PARVB: variants seen among roughly 807,000 people sequenced by gnomAD.
PARVB encodes the protein beta-parvin.
Under a neutral mutation model 47.0 loss-of-function variants are expected in PARVB, and 46 were observed. The observed-to-expected ratio is 0.98, with a 90% CI of 0.77 to 1.25. PARVB has a LOEUF of 1.25. Among genes scored for constraint, PARVB ranks in the 50% most tolerant of loss-of-function variants. The pLI, the probability that PARVB is intolerant of heterozygous loss-of-function variation, is 0.00. For missense variants in PARVB, 473 were observed against 471.6 expected, an observed-to-expected ratio of 1.00 and a Z score of -0.03; for synonymous variants, 196 against 196.3, an observed-to-expected ratio of 1.00 and a Z score of 0.01.
chr22:44,097,915 G>C (rs1011482622), intron 2 of PARVB, among the ~76,000 whole-genome samples: 2 of 152,140 alleles, frequency 1.3e-5, no homozygotes, highest in Non-Finnish European at 2.9e-5. Context: ...TGGTCCCGCC[G>C]ACTGAGGCAG....
At chr22:43,999,607 G>A (rs767601275) in exon 2 of PARVB, 1 of 1,613,754 alleles carries the variant, frequency 6.2e-7, no homozygotes, top group Non-Finnish European at 8.5e-7. Flanking sequence ...GGCTTCTCTG[G>A]CTGGTTCACT....
chr22:44,014,587 T>C (rs2050557365), intron 2 of PARVB, among the ~76,000 whole-genome samples: 1 of 152,208 alleles, frequency 6.6e-6, no homozygotes, highest in Non-Finnish European at 1.5e-5. Flanking sequence ...AGTGGCACTT[T>C]CCAATCTTGA....
At chr22:44,024,568 G>A in intron 1 of PARVB, 117 bp downstream of exon 1, 1 of 374,036 alleles carries the variant, frequency 2.7e-6, no homozygotes, top group Non-Finnish European at 3.9e-6. Flanking sequence ...CCCGGCCCAC[G>A]CGGCTGCGCG....
At chr22:44,088,592 C>T (rs572636170) in intron 1 of PARVB, among the ~76,000 whole-genome samples, 5 of 152,300 alleles carry the variant, frequency 3.3e-5, no homozygotes, top group East Asian at 1.9e-4. Context: ...ATGCCTCAGC[C>T]GCCCAAGTAG....
chr22:44,032,617 T>TAAGG (rs2050845704), intron 1 of PARVB, among the ~76,000 whole-genome samples: 2 of 152,022 alleles, frequency 1.3e-5, no homozygotes, highest in South Asian at 4.1e-4. Flanking sequence ...ACTTGTGGTG[T>TAAGG]AAGGAAGGAA....
At chr22:44,003,663 G>T (rs1486850574) in intron 2 of PARVB, among the ~76,000 whole-genome samples, 1 of 152,184 alleles carries the variant, frequency 6.6e-6, no homozygotes, top group African/African-American at 2.4e-5. Context: ...CAGGGGTGGG[G>T]AGCAGGAAAC....
At chr22:44,024,505 C>G in intron 1 of PARVB, 54 bp downstream of exon 1, 1 of 969,886 alleles carries the variant, frequency 1.0e-6, no homozygotes, top group Non-Finnish European at 1.3e-6. Context: ...GCGGTGCCCG[C>G]CCTCGGCCCT....
At chr22:44,152,094 GA>G (rs1394983765) in intron 10 of PARVB, 1 of 152,828 alleles carries the variant, frequency 6.5e-6, no homozygotes, top group East Asian at 1.9e-4. Flanking sequence ...CCTGTTTCCA[GA>G]TACGGTCACA....
In PARVB at chr22:44,087,224, A is replaced by G. The variant is rs540271502; in HGVS notation, c.113-6704A>G. Reference sequence around the variant, plus strand: ...TCCTGGTTCAGACGGGGCCCTCTGAAATTTCTCGCCCTGATCTTTTGTTCT... The same window carrying G: ...TCCTGGTTCAGACGGGGCCCTCTGAGATTTCTCGCCCTGATCTTTTGTTCT... On this transcript the variant is annotated intron_variant, in intron 1 of 12. Coordinates refer to ENST00000338758, the MANE Select transcript of PARVB (RefSeq NM_013327.5). Among the ~76,000 whole-genome samples, 5 of 152,272 alleles carry G rather than the reference A, an allele frequency of 3.3e-5. No homozygotes were observed. The East Asian group carries it at 9.7e-4, about 29-fold the overall frequency.
chr22:44,154,384 G>T (rs1326224622), intron 10 of PARVB, among the ~76,000 whole-genome samples: 1 of 152,142 alleles, frequency 6.6e-6, no homozygotes, highest in Non-Finnish European at 1.5e-5. Context: ...AATCATTAAC[G>T]TCTTGATGCC....
chr22:44,020,745 A>G (rs1283511529), upstream of PARVB, among the ~76,000 whole-genome samples: 1 of 151,562 alleles, frequency 6.6e-6, no homozygotes, highest in Non-Finnish European at 1.5e-5. Flanking sequence ...AGGAACCTCC[A>G]TGTGTTTAGC....
intron 1 of PARVB, among the ~76,000 whole-genome samples, chr22:44,025,041 A>G (rs2050706782): frequency 6.6e-6 from 1 of 152,046 alleles, no homozygotes; most frequent in South Asian, 2.1e-4. Context: ...AGATTGTTAG[A>G]GTTGCAAGGG....
In PARVB at chr22:44,049,991, T is replaced by C. The variant is rs1026949022; in HGVS notation, c.112+25540T>C. 2.0e-5 allele frequency among the ~76,000 whole-genome samples: 3 copies of C among 152,234 alleles called. No homozygotes were observed. The highest frequency in any genetic ancestry group is 4.4e-5 in the Non-Finnish European group (3 of 68,054). On this transcript the variant is annotated intron_variant, in intron 1 of 12. Transcript: ENST00000338758. This position sits in a 1 kb window ranked among gnomAD's most constrained non-coding sequence, Gnocchi z 4.0. Reference sequence around the variant, plus strand: ...TATTGTGGGCATGTGGCTGCGGAAATGTGCCTGCACCTGGACTCGCTGTCA... The same window carrying C: ...TATTGTGGGCATGTGGCTGCGGAAACGTGCCTGCACCTGGACTCGCTGTCA...
intron 8 of PARVB, chr22:44,146,290 A>C (rs4996906): frequency 0.46 from 65,686 of 141,650 alleles, 14,461 homozygotes; most frequent in East Asian, 0.74. Context: ...TTCACACACA[A>C]CCTCACACGC....
At chr22:44,166,561 G>A (rs1343982549) in intron 12 of PARVB, among the ~76,000 whole-genome samples, 2 of 152,236 alleles carry the variant, frequency 1.3e-5, no homozygotes, top group Non-Finnish European at 2.9e-5. Context: ...AACCCACCAC[G>A]GACGTGTGGA....
chr22:44,111,571 T>C lies in PARVB; in HGVS notation c.274-7467T>C, dbSNP rs1276676537. ...AAGCAATCCTCCTGCCTCAGACCCC[T>C]GAGTAGCTGGGACTACAGGTGTGCA... On this transcript the variant is annotated intron_variant, in intron 3 of 12. Coordinates refer to ENST00000338758, the MANE Select transcript of PARVB (RefSeq NM_013327.5). 4.7e-5 allele frequency: 7 copies of C among 147,616 alleles called. No individual in the cohort carries two copies. The East Asian group carries it at 6.2e-4, about 13-fold the overall frequency. The allele number at this position is 147,616 out of a possible 1,614,324, so 9.1% of individuals were successfully genotyped here. A position where few individuals can be genotyped will look rare whatever the true frequency, so the allele number is the denominator to read the frequency against.
At chr22:44,009,705 A>G (rs16990644) in intron 2 of PARVB, among the ~76,000 whole-genome samples, 5,920 of 151,328 alleles carry the variant, frequency 0.039, 382 homozygotes, top group African/African-American at 0.14. Flanking sequence ...CCATTATTTA[A>G]CCCTTTAAAA....
At chr22:44,069,580 G>A (rs1012276920) in intron 1 of PARVB, among the ~76,000 whole-genome samples, 1 of 151,956 alleles carries the variant, frequency 6.6e-6, no homozygotes, top group Non-Finnish European at 1.5e-5. Flanking sequence ...CCAGGCTGGA[G>A]TGCAATGGCG....
intron 2 of PARVB, among the ~76,000 whole-genome samples, chr22:44,015,044 T>C (rs1173571962): frequency 6.6e-6 from 1 of 151,986 alleles, no homozygotes; most frequent in Non-Finnish European, 1.5e-5. Flanking sequence ...AGAGATGGGG[T>C]TTCACCATGT....
Sources: gnomAD v4.1 joint callset for allele counts (sites outside exome capture counted in the v4.1 genomes callset) on GRCh38, gnomAD v4.1.1 for gene constraint, Gnocchi (gnomAD v3.1) non-coding constraint, MANE v1.5 for transcripts, NCBI Gene and HGNC (gene_info 2026-07-23, HGNC 2026-07-21) for gene names.